Variants in NOS2 observed in about 807,000 individuals in gnomAD.
NOS2 encodes the protein nitric oxide synthase, inducible.
In NOS2, 96 loss-of-function variants were observed where a neutral mutation model predicts 136.0. The ratio of observed to expected loss-of-function variants is 0.71; its 90% CI spans 0.60 to 0.84. The LOEUF (loss-of-function observed/expected upper bound fraction) is 0.84, where lower values mean the gene tolerates loss of function less well. NOS2 is among the 40% of genes least tolerant of loss of function. The pLI is 0.00. For synonymous variants in NOS2, 539 were observed against 587.5 expected (o/e 0.92, Z 1.20); for missense variants, 1,237 against 1,496.9 (o/e 0.83, Z 2.87).
intron 2 of NOS2, 54 bp from the exon 3 acceptor site, chr17:27,789,742 C>G: frequency 7.9e-7 from 1 of 1,269,822 alleles, no homozygotes; most frequent in South Asian, 1.2e-5. Context: ...GGAGGGGCAT[C>G]TTGGAGTTCC....
intron 5 of NOS2, among the ~76,000 whole-genome samples, chr17:27,786,156 C>T (rs566360474): frequency 2.0e-5 from 3 of 151,850 alleles, no homozygotes; most frequent in South Asian, 4.2e-4. Context: ...GGCTCGGTGG[C>T]TCACGCCTGT....
chr17:27,781,298 T>A, intron 7 of NOS2, 121 bp from the exon 8 acceptor site: 2 of 1,142,598 alleles, frequency 1.8e-6, no homozygotes, highest in Non-Finnish European at 2.4e-6. Context: ...CCAAGCTGAC[T>A]GAGCCAGCCT....
Position 27,763,969 on chromosome 17 carries a change from C to A in NOS2, c.2592+12G>T. ...CCACATACCCCCACTGCCCACCAGC[C>A]CTGATCTTCACCTGGCACAGGGCCT... On this transcript the variant is annotated intron_variant, in intron 21 of 26. Coordinates refer to ENST00000313735, the MANE Select transcript of NOS2 (RefSeq NM_000625.4). 1 of 1,610,258 alleles carries A rather than the reference C, an allele frequency of 6.2e-7. No homozygotes were observed. The highest frequency in any genetic ancestry group is 8.5e-7 in the Non-Finnish European group (1 of 1,178,492).
Position 27,793,355 on chromosome 17 carries a change from T to C in NOS2, c.111-3667A>G, listed in dbSNP as rs574389300. Among the ~76,000 whole-genome samples, 4 of 152,276 alleles carry C rather than the reference T, an allele frequency of 2.6e-5. No individual in the cohort carries two copies. In the East Asian group the frequency reaches 7.7e-4, roughly 29 times the overall value. On this transcript the variant is annotated intron_variant, in intron 2 of 26. Coordinates refer to ENST00000313735, the MANE Select transcript of NOS2 (RefSeq NM_000625.4). Reference sequence around the variant, plus strand: ...AGTGCTGAAACATTCGCAGCGCAACTGAACCCGCATAGACGCCTCTCATAG... The same window carrying C: ...AGTGCTGAAACATTCGCAGCGCAACCGAACCCGCATAGACGCCTCTCATAG...
Position 27,782,056 on chromosome 17 carries a change from G to A in NOS2, c.681C>T (p.Ile227=). 1 of 1,614,188 alleles carries A rather than the reference G, an allele frequency of 6.2e-7. No individual in the cohort carries two copies. Among genetic ancestry groups the A allele is most frequent in the East Asian group, 2.2e-5 (1 of 44,876 alleles). Residue 227 remains isoleucine, a synonymous_variant, in exon 7 of 27, where the codon ATC becomes ATT. Coordinates refer to ENST00000313735, the MANE Select transcript of NOS2 (RefSeq NM_000625.4). ...TGGTGGAGTAACGCACGTGTCTGCA[G>A]ATGTGTTCAAACATTTCCCGGGCAG... ...CSTAREMFEH[I]CRHVRYSTNN...
At position 27,781,078 on chromosome 17, in the gene NOS2, A is replaced by G. The variant is rs201163153; in HGVS notation, c.822T>C (p.Asp274=). ...LIRYAGYQMP[D]GSIRGDPANV... ...TGGCAGGGTCCCCTCTGATGCTGCC[A>G]TCTGGCATCTGGTAGCCAGCATAGC... The change falls in exon 8 of 27, where the codon GAT becomes GAC. Residue 274 remains aspartate, a synonymous_variant. Transcript: ENST00000313735. 2.5e-6 allele frequency: 4 copies of G among 1,613,850 alleles called. No individual in the cohort carries two copies. The highest frequency in any genetic ancestry group is 2.2e-5 in the East Asian group (1 of 44,880).
Position 27,778,747 on chromosome 17 carries a change from C to A in NOS2, c.1224G>T (p.Ser408=). ...CAACGACAGCCTGGTCTTTCCAGAGCGAGGCCAGCTTGTGCGTTTCCAGGC... is the reference window on the plus strand; with the variant it reads ...CAACGACAGCCTGGTCTTTCCAGAGAGAGGCCAGCTTGTGCGTTTCCAGGC... ...RMGLETHKLA[S]LWKDQAVVEI... The change falls in exon 11 of 27, where the codon TCG becomes TCT. Residue 408 remains serine (S), a synonymous_variant. Coordinates refer to ENST00000313735, the MANE Select transcript of NOS2 (RefSeq NM_000625.4). 6.2e-7 allele frequency: 1 copy of A among 1,614,204 alleles called. No individual in the cohort carries two copies. The highest frequency in any genetic ancestry group is 2.2e-5 in the East Asian group (1 of 44,890).
chr17:27,772,358 C>T lies in NOS2; in HGVS notation c.1654G>A (p.Ala552Thr). Residue 552 changes from alanine (A) to threonine (T), a missense_variant, in exon 14 of 27, where the codon GCG becomes ACG. By Grantham distance (58) the Ala-to-Thr change is moderately conservative (BLOSUM62 0). Transcript: ENST00000313735. ...AAGGCCCCCAGGTCCCAGGCCAGCG[C>T]CTCTGATTTTCCTGTCTCTGTCGCA... ...LFATETGKSE[A>T]LAWDLGALFS... 1 of 1,614,168 alleles carries T rather than the reference C, an allele frequency of 6.2e-7. No individual in the cohort carries two copies.
intron 5 of NOS2, among the ~76,000 whole-genome samples, chr17:27,786,735 G>A (rs778817126): frequency 6.6e-6 from 1 of 151,986 alleles, no homozygotes; most frequent in Non-Finnish European, 1.5e-5. Context: ...CACCATTTTC[G>A]GTAAGAAAAT....
At chr17:27,789,544 T>C (rs1169863546) in intron 3 of NOS2, 60 bp downstream of exon 3, 2 of 1,293,878 alleles carry the variant, frequency 1.5e-6, no homozygotes, top group Non-Finnish European at 2.2e-6. Flanking sequence ...CAGGCTGCTA[T>C]GTCTGCATCT....
At chr17:27,759,171 C>T (rs1908029061) in intron 25 of NOS2, 96 bp from the exon 26 acceptor site, 2 of 856,942 alleles carry the variant, frequency 2.3e-6, no homozygotes, top group Non-Finnish European at 3.5e-6. Context: ...GAGAGGGGCA[C>T]TAAGGGGTGA....
intron 1 of NOS2, among the ~76,000 whole-genome samples, chr17:27,799,731 A>C (rs1368593576): frequency 1.3e-5 from 2 of 151,368 alleles, no homozygotes; most frequent in African/African-American, 4.9e-5. Context: ...CTGTAGTCCC[A>C]GCTACTCGGG....
Position 27,780,817 on chromosome 17 carries a change from G to C in NOS2, c.954C>G (p.Leu318=). 1 of 1,614,206 alleles carries C rather than the reference G, an allele frequency of 6.2e-7. No individual in the cohort carries two copies. Among genetic ancestry groups the C allele is most frequent in the South Asian group, 1.1e-5 (1 of 91,088 alleles). ...VLQANGRDPE[L]FEIPPDLVLE... is the part of the protein sequence containing the mutation. ...GCACAAGGTCAGGTGGGATTTCGAA[G>C]AGCTCAGGGTCACGGCCATTGGCCT... Residue 318 remains leucine (L), a synonymous_variant, in exon 9 of 27, where the codon CTC becomes CTG. Transcript: ENST00000313735.
intron 16 of NOS2, 33 bp from the exon 17 acceptor site, chr17:27,769,184 C>T: frequency 1.1e-5 from 18 of 1,574,226 alleles, no homozygotes; most frequent in Non-Finnish European, 1.6e-5. Flanking sequence ...ACACATGTCC[C>T]ATGCAAGCAG....
intron 2 of NOS2, among the ~76,000 whole-genome samples, chr17:27,790,084 C>T (rs2142525272): frequency 6.6e-6 from 1 of 152,296 alleles, no homozygotes; most frequent in East Asian, 1.9e-4. Context: ...GATTGGTTGA[C>T]TGATTGACTG....
chr17:27,783,911 C>A (rs1409085994), intron 5 of NOS2, among the ~76,000 whole-genome samples: 1 of 152,180 alleles, frequency 6.6e-6, no homozygotes, highest in Non-Finnish European at 1.5e-5. Flanking sequence ...CCTGGTCAAG[C>A]CAGGACTGGG....
intron 2 of NOS2, among the ~76,000 whole-genome samples, chr17:27,796,006 G>C (rs1909342925): frequency 6.6e-6 from 1 of 152,146 alleles, no homozygotes; most frequent in Non-Finnish European, 1.5e-5. Flanking sequence ...AGGGTTAAAG[G>C]CTGCAGCCAA....
At chr17:27,789,079 C>A (rs760168228) in intron 3 of NOS2, 148 bp from the exon 4 acceptor site, 1 of 1,098,418 alleles carries the variant, frequency 9.1e-7, no homozygotes, top group East Asian at 2.5e-5. Context: ...CCCGGGCGAC[C>A]TGGGCCAGTG....
intron 7 of NOS2, 147 bp downstream of exon 7, chr17:27,781,868 G>A (rs964399290): frequency 4.5e-5 from 32 of 704,332 alleles, no homozygotes; most frequent in Middle Eastern, 3.7e-4. Context: ...GGAAGTCCCC[G>A]AAGAAGCCTG....
Sources: gnomAD v4.1 joint callset for allele counts (sites outside exome capture counted in the v4.1 genomes callset) on GRCh38, gnomAD v4.1.1 for gene constraint, MANE v1.5 for transcripts, NCBI Gene and HGNC (gene_info 2026-07-23, HGNC 2026-07-21) for gene names.